The following PHACTR1 variants were observed in gnomAD, a reference collection of about 807,000 sequenced individuals.
PHACTR1 encodes phosphatase and actin regulator 1, also known as RPEL repeat containing 1.
A neutral mutation model predicts 69.2 loss-of-function variants in PHACTR1; 16 were observed. That is an observed-to-expected ratio of 0.23 (90% CI 0.16 to 0.35). The LOEUF (loss-of-function observed/expected upper bound fraction) is 0.35. Among genes scored for constraint, PHACTR1 ranks in the 10% least tolerant of loss-of-function variants. The pLI is 1.00. For synonymous variants in PHACTR1, 312 were observed against 284.5 expected (o/e 1.10, Z -0.97); for missense variants, 510 against 734.7 (o/e 0.69, Z 3.54).
chr6:12,803,858 C>G (rs776435665), intron 4 of PHACTR1, among the ~76,000 whole-genome samples: 5 of 152,186 alleles, frequency 3.3e-5, no homozygotes, highest in African/African-American at 9.7e-5. Flanking sequence ...TGACAAGTGT[C>G]CCTGGGAGAC....
At chr6:13,100,634 T>C (rs1815005483) in intron 5 of PHACTR1, among the ~76,000 whole-genome samples, 1 of 152,190 alleles carries the variant, frequency 6.6e-6, no homozygotes, top group South Asian at 2.1e-4. Context: ...AGCTGGATGG[T>C]TGTGTTTTAG....
chr6:13,098,745 A>G (rs557114835), intron 5 of PHACTR1, among the ~76,000 whole-genome samples: 1 of 152,252 alleles, frequency 6.6e-6, no homozygotes, highest in South Asian at 2.1e-4. Flanking sequence ...CAGTCTCTAA[A>G]TCCTGCTGAT....
chr6:12,757,329 G>C (rs1350488028), intron 4 of PHACTR1, among the ~76,000 whole-genome samples: 2 of 152,140 alleles, frequency 1.3e-5, no homozygotes, highest in Admixed American at 6.5e-5. Context: ...GAGTAAGGAA[G>C]GGAGACGAAG....
intron 4 of PHACTR1, among the ~76,000 whole-genome samples, chr6:12,880,854 C>T (rs181571638): frequency 1.4e-3 from 202 of 146,738 alleles, no homozygotes; most frequent in African/African-American, 4.7e-3. Context: ...GTTTCATGTT[C>T]GCGGAACAGG....
At chr6:12,977,664 C>G (rs1795059448) in intron 4 of PHACTR1, among the ~76,000 whole-genome samples, 1 of 152,170 alleles carries the variant, frequency 6.6e-6, no homozygotes, top group South Asian at 2.1e-4. Context: ...AATGAACATG[C>G]CACTAATGGG....
intron 4 of PHACTR1, among the ~76,000 whole-genome samples, chr6:12,948,558 T>C (rs1790925523): frequency 6.6e-6 from 1 of 152,222 alleles, no homozygotes; most frequent in African/African-American, 2.4e-5. Context: ...AATCCTATGA[T>C]ATAGGCTTTA....
intron 4 of PHACTR1, among the ~76,000 whole-genome samples, chr6:12,985,259 C>G (rs1034977299): frequency 3.4e-5 from 4 of 117,116 alleles, no homozygotes; most frequent in African/African-American, 1.9e-4. Flanking sequence ...TCAATTTTCT[C>G]GAACCATAGG....
intron 4 of PHACTR1, among the ~76,000 whole-genome samples, chr6:12,949,049 T>A (rs1348126967): frequency 1.3e-5 from 2 of 152,006 alleles, no homozygotes; most frequent in African/African-American, 4.8e-5. Context: ...GGCGGGCAGA[T>A]CACCTGAAGT....
chr6:13,042,913 A>C lies in PHACTR1; in HGVS notation c.251-10452A>C, dbSNP rs1000169935. Among the ~76,000 whole-genome samples, 8 of 152,194 alleles carry C rather than the reference A, an allele frequency of 5.3e-5. 1 individual carries two copies. The highest frequency in any genetic ancestry group is 1.9e-4 in the African/African-American group (8 of 41,448). On this transcript the variant is annotated intron_variant, in intron 4 of 14. Coordinates refer to ENST00000332995, the MANE Select transcript of PHACTR1 (RefSeq NM_030948.6). The stretch of plus-strand genomic sequence containing the variant: ...AAGGTCACACAGTGAATTTGTTAGA[A>C]CCCTTTTAGTTGCAAGTAAAAGAGA...
At chr6:12,836,685 C>A (rs759130199) in intron 4 of PHACTR1, among the ~76,000 whole-genome samples, 1 of 152,322 alleles carries the variant, frequency 6.6e-6, no homozygotes, top group Middle Eastern at 3.4e-3. Context: ...TGCTCTCTGA[C>A]CTGCTTCCTC....
rs147412374 is a variant in PHACTR1, at chr6:13,124,904, T to C, written c.416-35300T>C. On this transcript the variant is annotated intron_variant, in intron 5 of 14. Transcript: ENST00000332995. ...CCCATTGGAGGTTAGATCTTAAATA[T>C]AGGAATTTGAGAGGACAAAAATGGC... Among the ~76,000 whole-genome samples, 7 of 152,334 alleles carry C rather than the reference T, an allele frequency of 4.6e-5. No homozygotes were observed. The East Asian group carries it at 1.3e-3, about 29-fold the overall frequency.
intron 4 of PHACTR1, among the ~76,000 whole-genome samples, chr6:13,013,830 C>A (rs1582963850): frequency 6.8e-6 from 1 of 147,974 alleles, no homozygotes; most frequent in East Asian, 2.0e-4. Flanking sequence ...CCGAGGGGCG[C>A]GAGTGGCAGC....
chr6:13,277,627 G>A (rs565788151), intron 11 of PHACTR1, among the ~76,000 whole-genome samples: 1 of 152,232 alleles, frequency 6.6e-6, no homozygotes, highest in African/African-American at 2.4e-5. Flanking sequence ...CTCCCCAAAT[G>A]CCTGTGTGTC....
At chr6:13,129,296 A>G (rs946144424) in intron 5 of PHACTR1, among the ~76,000 whole-genome samples, 1 of 152,186 alleles carries the variant, frequency 6.6e-6, no homozygotes, top group Non-Finnish European at 1.5e-5. Flanking sequence ...TGAATAGAAC[A>G]GTACCTCACA....
chr6:13,229,580 A>AT (rs1189582274), intron 9 of PHACTR1, among the ~76,000 whole-genome samples: 1 of 150,908 alleles, frequency 6.6e-6, no homozygotes, highest in African/African-American at 2.4e-5. Flanking sequence ...GTCTCTTGAG[A>AT]TTTCCTGGTG....
At chr6:12,921,311 T>C (rs766911529) in intron 4 of PHACTR1, among the ~76,000 whole-genome samples, 2 of 152,156 alleles carry the variant, frequency 1.3e-5, no homozygotes, top group Non-Finnish European at 2.9e-5. Context: ...TTCTGGAGAA[T>C]AAATTCGATA....
At chr6:12,899,871 C>T (rs1785018450) in intron 4 of PHACTR1, among the ~76,000 whole-genome samples, 1 of 152,162 alleles carries the variant, frequency 6.6e-6, no homozygotes, top group African/African-American at 2.4e-5. Flanking sequence ...TGTGGTGCCT[C>T]CCTGTGTCCA....
At chr6:12,819,677 C>G (rs1472350926) in intron 4 of PHACTR1, among the ~76,000 whole-genome samples, 1 of 152,084 alleles carries the variant, frequency 6.6e-6, no homozygotes, top group Non-Finnish European at 1.5e-5. Flanking sequence ...TTTTAAAAAT[C>G]TGTATAGAGA....
intron 4 of PHACTR1, among the ~76,000 whole-genome samples, chr6:12,815,472 T>C (rs941222083): frequency 1.3e-5 from 2 of 152,236 alleles, no homozygotes; most frequent in Admixed American, 6.5e-5. Flanking sequence ...CAAATTAATC[T>C]GTTTCCGTGT....
Sources: allele counts gnomAD v4.1 joint callset (sites outside exome capture counted in the v4.1 genomes callset), GRCh38; gene constraint gnomAD v4.1.1; transcripts MANE v1.5; gene names NCBI Gene and HGNC (gene_info 2026-07-23, HGNC 2026-07-21).